Variants in ZFAND6 observed in about 807,000 individuals in gnomAD.
ZFAND6 encodes zinc finger AN1-type containing 6.
A neutral mutation model predicts 24.5 loss-of-function variants in ZFAND6; 12 were observed. That is an observed-to-expected ratio of 0.49 (90% CI 0.31 to 0.79). The LOEUF is 0.79. ZFAND6 is among the 30% of genes least tolerant of loss of function. The pLI is 0.04. For missense variants in ZFAND6, 207 were observed against 245.9 expected (o/e 0.84, Z 1.06); for synonymous variants, 92 against 81.5 (o/e 1.13, Z -0.69).
chr15:80,117,405 G>A (rs148098748), intron 2 of ZFAND6, among the ~76,000 whole-genome samples: 1,849 of 152,210 alleles, frequency 0.012, 31 homozygotes, highest in African/African-American at 0.042. Flanking sequence ...TGTATTTTTA[G>A]TAGAGACGGG....
rs556060876 is a variant in ZFAND6, at chr15:80,131,216, A to C, written c.401A>C (p.Glu134Ala). ...VSDTAQQPSE[E>A]QSKSLEKPKQ... ...GACACAGCACAGCAGCCATCTGAAG[A>C]GCAAAGCAAGTCTCTTGAAAAACCG... Residue 134 changes from glutamate to alanine, a missense_variant, in exon 6 of 7, where the codon GAG (glutamate) becomes GCG (alanine). Transcript: ENST00000261749. 1 of 1,612,230 alleles carries C rather than the reference A, an allele frequency of 6.2e-7. No individual in the cohort carries two copies. The highest frequency in any genetic ancestry group is 1.7e-5 in the Admixed American group (1 of 59,960).
intron 1 of ZFAND6, among the ~76,000 whole-genome samples, chr15:80,062,781 C>T (rs2036402056): frequency 1.3e-5 from 2 of 152,280 alleles, no homozygotes; most frequent in South Asian, 4.1e-4. Context: ...CTAAGAAAAG[C>T]CACCTATAAC....
intron 5 of ZFAND6, chr15:80,130,196 A>G (rs942829253): frequency 6.6e-6 from 1 of 152,218 alleles, no homozygotes; most frequent in African/African-American, 2.4e-5. Context: ...AAAAGGTGTT[A>G]AGGAAAATCA....
intron 6 of ZFAND6, among the ~76,000 whole-genome samples, chr15:80,135,629 G>C (rs1051545251): frequency 3.9e-5 from 6 of 152,232 alleles, no homozygotes; most frequent in Non-Finnish European, 2.9e-5. Flanking sequence ...AAGGAAGTTA[G>C]AGTTTAATAT....
intron 1 of ZFAND6, among the ~76,000 whole-genome samples, chr15:80,078,882 ATTATT>A (rs534970612): frequency 1.4e-3 from 211 of 146,540 alleles, no homozygotes; most frequent in South Asian, 4.4e-3. Flanking sequence ...CATTTGCTCA[ATTATT>A]TTATTTTATT....
At chr15:80,081,534 AAAAGGGAAGTGACATGCATACAGC>A (rs1349645083) in intron 1 of ZFAND6, among the ~76,000 whole-genome samples, 7 of 152,192 alleles carry the variant, frequency 4.6e-5, no homozygotes, top group African/African-American at 1.7e-4. Flanking sequence ...TATGGTCAAG[AAAAGGGAAGTGACATGCATACAGC>A]AAAGGGAAGT....
At chr15:80,121,691 C>G in intron 3 of ZFAND6, 21 bp from the exon 4 acceptor site, 1 of 1,585,116 alleles carries the variant, frequency 6.3e-7, no homozygotes, top group Non-Finnish European at 8.7e-7. Context: ...ATCACTAATA[C>G]GCAATGTGGT....
At chr15:80,096,747 AATATACAT>A (rs2038746138) in intron 1 of ZFAND6, among the ~76,000 whole-genome samples, 1 of 152,198 alleles carries the variant, frequency 6.6e-6, no homozygotes, top group Non-Finnish European at 1.5e-5. Context: ...AATTTAGACC[AATATACAT>A]ATTAGCCCAG....
rs1250599870 is a variant in ZFAND6, at chr15:80,138,185, G to T, written c.*557G>T. 6.5e-6 allele frequency: 1 copy of T among 152,678 alleles called. No individual in the cohort carries two copies. Among genetic ancestry groups the T allele is most frequent in the Non-Finnish European group, 1.5e-5 (1 of 68,048 alleles). 9.5% of individuals were successfully genotyped at this position (152,678 alleles called of 1,614,324 possible). On this transcript the variant is annotated 3_prime_UTR_variant, in exon 7 of 7. Transcript: ENST00000261749. Reference sequence around the variant, plus strand: ...GTCACAAGAGAGTGTGTGCTGATGAGATTGTAAGTTTGTGTGTTTAAACTT... The same window carrying T: ...GTCACAAGAGAGTGTGTGCTGATGATATTGTAAGTTTGTGTGTTTAAACTT...
intron 2 of ZFAND6, among the ~76,000 whole-genome samples, chr15:80,102,072 AAG>A (rs1473677982): frequency 6.6e-6 from 1 of 152,072 alleles, no homozygotes; most frequent in African/African-American, 2.4e-5. Flanking sequence ...CTGGGATTAT[AAG>A]CATGAGCCAC....
intron 1 of ZFAND6, among the ~76,000 whole-genome samples, chr15:80,080,266 G>A (rs1348852765): frequency 2.0e-5 from 3 of 152,074 alleles, no homozygotes; most frequent in Non-Finnish European, 2.9e-5. Flanking sequence ...CAAAGGGCTA[G>A]GGTTACAGGC....
intron 2 of ZFAND6, among the ~76,000 whole-genome samples, chr15:80,110,346 A>G (rs1178003649): frequency 6.6e-6 from 1 of 152,174 alleles, no homozygotes. Flanking sequence ...ATTTTAAACA[A>G]ATACCTAGGA....
At chr15:80,115,124 T>C (rs1404623322) in intron 2 of ZFAND6, 3 of 152,106 alleles carry the variant, frequency 2.0e-5, no homozygotes, top group Admixed American at 2.0e-4. Flanking sequence ...AAAATAGGGA[T>C]ATCAACAGCA....
Position 80,137,508 on chromosome 15 carries a change from C to T in ZFAND6, c.507C>T (p.Tyr169=). ...TTGAATGCCGGTGTGGAAATGTTTA[C>T]TGTGGTGTACACCGTTACTCAGATG... ...TGFECRCGNV[Y]CGVHRYSDVH... Residue 169 remains tyrosine (Y), a synonymous_variant, in exon 7 of 7, where the codon TAC becomes TAT. Transcript: ENST00000261749. 2 of 1,603,616 alleles carry T rather than the reference C, an allele frequency of 1.2e-6. No homozygotes were observed. Among genetic ancestry groups the T allele is most frequent in the Non-Finnish European group, 1.7e-6 (2 of 1,177,040 alleles).
intron 1 of ZFAND6, among the ~76,000 whole-genome samples, chr15:80,067,320 C>T (rs2036703058): frequency 6.6e-6 from 1 of 152,138 alleles, no homozygotes; most frequent in Non-Finnish European, 1.5e-5. Flanking sequence ...TTCATTATTT[C>T]TACTGTTTTC....
chr15:80,094,015 C>G (rs534993055), intron 1 of ZFAND6, among the ~76,000 whole-genome samples: 2 of 152,262 alleles, frequency 1.3e-5, no homozygotes, highest in Middle Eastern at 6.8e-3. Context: ...TTTATTATAA[C>G]TCAGTCATCA....
At chr15:80,123,516 C>T (rs1425002071) in intron 5 of ZFAND6, among the ~76,000 whole-genome samples, 4 of 152,178 alleles carry the variant, frequency 2.6e-5, no homozygotes, top group Non-Finnish European at 5.9e-5. Flanking sequence ...GTCATTCTGC[C>T]TGTGAGATGA....
intron 5 of ZFAND6, among the ~76,000 whole-genome samples, chr15:80,127,433 T>A (rs909246278): frequency 1.4e-4 from 21 of 151,704 alleles, no homozygotes; most frequent in African/African-American, 4.8e-4. Context: ...ACTAAAAATA[T>A]GAAACTTAGC....
chr15:80,111,186 T>G (rs533492297), intron 2 of ZFAND6, among the ~76,000 whole-genome samples: 13 of 152,346 alleles, frequency 8.5e-5, no homozygotes, highest in Admixed American at 1.3e-4. Flanking sequence ...CACATCATGG[T>G]TATAACTCCA....
Sources: gnomAD v4.1 joint callset for allele counts (sites outside exome capture counted in the v4.1 genomes callset) on GRCh38, gnomAD v4.1.1 for gene constraint, MANE v1.5 for transcripts, NCBI Gene and HGNC (gene_info 2026-07-23, HGNC 2026-07-21) for gene names.